Variants in WDTC1 observed in about 807,000 individuals in gnomAD.
The protein encoded by WDTC1 is WD and tetratricopeptide repeats protein 1.
In WDTC1, 12 loss-of-function variants were observed where a neutral mutation model predicts 76.0. The observed-to-expected ratio is 0.16, with a 90% CI of 0.10 to 0.26. The LOEUF is 0.26. Ranked by LOEUF, WDTC1 falls within the 10% of genes least tolerant of loss-of-function variation. WDTC1 has a pLI of 1.00. For missense variants in WDTC1, 511 were observed against 908.8 expected (o/e 0.56, Z 5.63); for synonymous variants, 326 against 350.8 (o/e 0.93, Z 0.79).
intron 3 of WDTC1, among the ~76,000 whole-genome samples, chr1:27,269,621 G>GTTT (rs538857228): frequency 1.7e-4 from 22 of 126,828 alleles, no homozygotes; most frequent in Non-Finnish European, 2.6e-4. Context: ...TTTTTTTTCG[G>GTTT]TTTTTTTTTT....
At position 27,274,751 on chromosome 1, in the gene WDTC1, C is replaced by A. The variant is rs1180654810; in HGVS notation, c.133-7488C>A. Among the ~76,000 whole-genome samples the A allele has an allele frequency of 6.6e-6, 1 of 152,142 alleles. No homozygotes were observed. Among genetic ancestry groups the A allele is most frequent in the African/African-American group, 2.4e-5 (1 of 41,420 alleles). On this transcript the variant is annotated intron_variant, in intron 3 of 15. Coordinates refer to ENST00000319394, the MANE Select transcript of WDTC1 (RefSeq NM_001276252.2). This position sits in a 1 kb window ranked among gnomAD's most constrained non-coding sequence, Gnocchi z 4.2. ...TTCCAGCCATGGCCTGCAGTCCTCA[C>A]TTTTTTGGGGAGTTGCTTGCTTTCA...
intron 1 of WDTC1, among the ~76,000 whole-genome samples, chr1:27,241,745 TTTCC>T (rs1329565379): frequency 6.6e-6 from 1 of 152,162 alleles, no homozygotes. Context: ...CTTTTCTCTG[TTTCC>T]TTCCACTATC....
At chr1:27,286,234 C>T (rs1327324600) in intron 5 of WDTC1, among the ~76,000 whole-genome samples, 1 of 151,354 alleles carries the variant, frequency 6.6e-6, no homozygotes, top group Non-Finnish European at 1.5e-5. Context: ...AACTCCTGAC[C>T]TCAGGTAATC....
At position 27,234,909 on chromosome 1, in the gene WDTC1, C is replaced by G; in HGVS notation, c.-142C>G. ...CGCCCCCCCCGGACGGACATGGGCT[C>G]CTGAAGTTGCGCCGCTGCCGGTCGG... On this transcript the variant is annotated 5_prime_UTR_variant, in exon 1 of 16. Coordinates refer to ENST00000319394, the MANE Select transcript of WDTC1 (RefSeq NM_001276252.2). 2.5e-6 allele frequency: 1 copy of G among 395,554 alleles called. No individual in the cohort carries two copies. The highest frequency in any genetic ancestry group is 4.5e-6 in the Non-Finnish European group (1 of 224,016). The allele number at this position is 395,554 out of a possible 1,614,324, so 24.5% of individuals were successfully genotyped here. A position where few individuals can be genotyped will look rare whatever the true frequency, so the allele number is the denominator to read the frequency against.
At chr1:27,278,778 C>T (rs1223723473) in intron 3 of WDTC1, among the ~76,000 whole-genome samples, 1 of 152,198 alleles carries the variant, frequency 6.6e-6, no homozygotes, top group African/African-American at 2.4e-5. Context: ...AATATTAATT[C>T]CTCAGAGCGG....
chr1:27,266,434 G>A (rs974867147), intron 3 of WDTC1, among the ~76,000 whole-genome samples: 1 of 152,110 alleles, frequency 6.6e-6, no homozygotes, highest in African/African-American at 2.4e-5. Context: ...TATGAACTTG[G>A]AGAAGTTGTT....
At position 27,287,880 on chromosome 1, in the gene WDTC1, T is replaced by C; in HGVS notation, c.479+19T>C. The C allele has an allele frequency of 6.2e-7, 1 of 1,607,412 alleles. No individual in the cohort carries two copies. The highest frequency in any genetic ancestry group is 8.5e-7 in the Non-Finnish European group (1 of 1,176,604). ...TTATCCGGTAAGAGTCTGGGGCATC[T>C]AGTGGAGCCTGTCGCTCCCCCATCC... On this transcript the variant is annotated intron_variant, in intron 6 of 15. Transcript: ENST00000319394.
intron 4 of WDTC1, among the ~76,000 whole-genome samples, chr1:27,283,054 C>T (rs1242610636): frequency 2.0e-5 from 3 of 150,948 alleles, no homozygotes; most frequent in East Asian, 2.0e-4. Flanking sequence ...AGGAGAATGG[C>T]GTGAACCTGG....
rs572586480 is a variant in WDTC1, at chr1:27,283,613, C to T, written c.291+164C>T. On this transcript the variant is annotated intron_variant, in intron 5 of 15. Coordinates refer to ENST00000319394, the MANE Select transcript of WDTC1 (RefSeq NM_001276252.2). ...GTTGGTGATTCCTGAAACCTCATTTCTCTTCCATGTTCTTCTTCCTCTTTT... is the reference window on the plus strand; with the variant it reads ...GTTGGTGATTCCTGAAACCTCATTTTTCTTCCATGTTCTTCTTCCTCTTTT... 2.0e-5 allele frequency among the ~76,000 whole-genome samples: 3 copies of T among 152,322 alleles called. No homozygotes were observed. The South Asian group carries it at 6.2e-4, about 32-fold the overall frequency.
At chr1:27,254,366 G>C (rs1192157854) in intron 1 of WDTC1, among the ~76,000 whole-genome samples, 2 of 152,112 alleles carry the variant, frequency 1.3e-5, no homozygotes, top group Non-Finnish European at 2.9e-5. Context: ...GGAAGTAAAG[G>C]CAGGTGGATC....
Position 27,235,001 on chromosome 1 carries a change from C to T in WDTC1, c.-100+50C>T, listed in dbSNP as rs368783449. ...CCTCCGCGGGCGCCGAGGCGGGGAC[C>T]GGCTCCCGCAGCCCCGGTGAACGGG... On this transcript the variant is annotated intron_variant, in intron 1 of 15. Coordinates refer to ENST00000319394, the MANE Select transcript of WDTC1 (RefSeq NM_001276252.2). 1.1e-4 allele frequency: 40 copies of T among 377,808 alleles called. No homozygotes were observed. The East Asian group carries it at 1.1e-3, about 10-fold the overall frequency. The allele number at this position is 377,808 out of a possible 1,614,324, so 23.4% of individuals were successfully genotyped here. A position where few individuals can be genotyped will look rare whatever the true frequency, so the allele number is the denominator to read the frequency against.
At chr1:27,282,353 C>T (rs1043585238) in intron 4 of WDTC1, 68 bp downstream of exon 4, 11 of 1,508,496 alleles carry the variant, frequency 7.3e-6, no homozygotes, top group South Asian at 2.3e-5. Context: ...CAGCAAGGCT[C>T]CTCCTGAGAG....
chr1:27,301,812 T>C lies in WDTC1; in HGVS notation c.1468+351T>C, dbSNP rs1326597733. Among the ~76,000 whole-genome samples the C allele has an allele frequency of 6.6e-6, 1 of 152,206 alleles. No individual in the cohort carries two copies. The highest frequency in any genetic ancestry group is 1.5e-5 in the Non-Finnish European group (1 of 68,030). ...TTAGACAGGGCCCTGGTGGTTCCAC[T>C]TGGGCATCTGAGAGGCAGAAGCTGG... is the stretch of plus-strand genomic sequence containing the variant. On this transcript the variant is annotated intron_variant, in intron 13 of 15. Coordinates refer to ENST00000319394, the MANE Select transcript of WDTC1 (RefSeq NM_001276252.2). This position sits in a 1 kb window ranked among gnomAD's most constrained non-coding sequence, Gnocchi z 5.8.
Position 27,301,304 on chromosome 1 carries a change from T to C in WDTC1, c.1311T>C (p.Phe437=). 6.2e-7 allele frequency: 1 copy of C among 1,614,186 alleles called. No individual in the cohort carries two copies. Among genetic ancestry groups the C allele is most frequent in the Non-Finnish European group, 8.5e-7 (1 of 1,180,028 alleles). ...ACCCATGCCACCTGAAGGCACACTT[T>C]CGCCTGGCCCGCTGCCTCTTTGAGC... ...SLNPCHLKAH[F]RLARCLFELK... Residue 437 remains phenylalanine (F), a synonymous_variant, in exon 13 of 16, where the codon TTT becomes TTC. Transcript: ENST00000319394. This position sits in a 1 kb window ranked among gnomAD's most constrained non-coding sequence, Gnocchi z 5.8.
chr1:27,303,991 G>A lies in WDTC1; in HGVS notation c.1643+196G>A. On this transcript the variant is annotated intron_variant, in intron 14 of 15. Coordinates refer to ENST00000319394, the MANE Select transcript of WDTC1 (RefSeq NM_001276252.2). The surrounding 1 kb of genome is among the most constrained non-coding windows in gnomAD (Gnocchi z 4.8). ...TGACCAACCTGCCATGCCCATTTAT[G>A]AGGCCATAACAAGGACTAATAAGAT... is the stretch of plus-strand genomic sequence containing the variant. The A allele has an allele frequency of 1.5e-6, 1 of 659,658 alleles. No individual in the cohort carries two copies. The allele number at this position is 659,658 out of a possible 1,614,324, so 40.9% of individuals were successfully genotyped here. A position where few individuals can be genotyped will look rare whatever the true frequency, so the allele number is the denominator to read the frequency against.
chr1:27,254,049 C>T (rs1329760965), intron 1 of WDTC1, among the ~76,000 whole-genome samples: 2 of 152,058 alleles, frequency 1.3e-5, no homozygotes, highest in Non-Finnish European at 2.9e-5. Flanking sequence ...AGGGTATTTC[C>T]TTCCCGATGT....
At chr1:27,246,099 G>A (rs983880004) in intron 1 of WDTC1, among the ~76,000 whole-genome samples, 2 of 152,062 alleles carry the variant, frequency 1.3e-5, no homozygotes, top group African/African-American at 4.8e-5. Context: ...TATAATTCAC[G>A]TACCATAAAA....
chr1:27,293,101 T>A (rs1173751174), intron 7 of WDTC1, among the ~76,000 whole-genome samples: 1 of 151,636 alleles, frequency 6.6e-6, no homozygotes, highest in East Asian at 1.9e-4. Flanking sequence ...TGTGATTTTT[T>A]AAAAAACTTA....
chr1:27,281,588 T>TTTTTG (rs1557497217), intron 3 of WDTC1, among the ~76,000 whole-genome samples: 1 of 151,978 alleles, frequency 6.6e-6, no homozygotes, highest in Non-Finnish European at 1.5e-5. Flanking sequence ...TCTTTTTCTG[T>TTTTTG]TTTTGTTTTG....
Sources: allele counts gnomAD v4.1 joint callset (sites outside exome capture counted in the v4.1 genomes callset), GRCh38; gene constraint gnomAD v4.1.1; non-coding constraint Gnocchi (gnomAD v3.1); transcripts MANE v1.5; gene names NCBI Gene and HGNC (gene_info 2026-07-23, HGNC 2026-07-21).